YPEL5: variants seen among roughly 807,000 people sequenced by gnomAD.
YPEL5 encodes yippee like 5, also known as protein yippee-like 5.
A neutral mutation model predicts 10.5 loss-of-function variants in YPEL5; 1 was observed. That is an observed-to-expected ratio of 0.10 (90% CI 0.03 to 0.45). The LOEUF (loss-of-function observed/expected upper bound fraction) is 0.45. Among genes scored for constraint, YPEL5 ranks in the 20% least tolerant of loss-of-function variants. The probability of loss-of-function intolerance (pLI) is 0.97; values close to 1 mark genes in which losing one functional copy is unlikely to be tolerated. For synonymous variants in YPEL5, 61 were observed against 56.6 expected, an observed-to-expected ratio of 1.08 and a Z score of -0.35; for missense variants, 68 against 159.3, an observed-to-expected ratio of 0.43 and a Z score of 3.09.
Position 30,158,885 on chromosome 2 carries a change from T to A in YPEL5, c.*42T>A, listed in dbSNP as rs76107930. Reference sequence around the variant, plus strand: ...CCATCTTTTCCCAGGTCTCCTTCACTGAAAACAAAAATCTACTTACATACA... The same window carrying A: ...CCATCTTTTCCCAGGTCTCCTTCACAGAAAACAAAAATCTACTTACATACA... On this transcript the variant is annotated 3_prime_UTR_variant, in exon 3 of 3. Transcript: ENST00000261353. 2.6e-4 allele frequency: 411 copies of A among 1,599,058 alleles called. 1 individual carries two copies. The African/African-American group carries it at 4.9e-3, about 19-fold the overall frequency.
chr2:30,156,907 A>C (rs1222364347), intron 2 of YPEL5, 115 bp downstream of exon 2: 3 of 1,243,852 alleles, frequency 2.4e-6, no homozygotes, highest in South Asian at 1.4e-5. Flanking sequence ...GAGAGCTTGA[A>C]ATCTACAGAA....
At chr2:30,150,823 A>G (rs1675750155) in intron 1 of YPEL5, among the ~76,000 whole-genome samples, 1 of 152,202 alleles carries the variant, frequency 6.6e-6, no homozygotes, top group African/African-American at 2.4e-5. Context: ...AAAATATTTT[A>G]AACTTTGCAA....
At chr2:30,157,099 A>G (rs1212846305) in intron 2 of YPEL5, among the ~76,000 whole-genome samples, 8 of 152,192 alleles carry the variant, frequency 5.3e-5, no homozygotes, top group Non-Finnish European at 7.3e-5. Flanking sequence ...CCTGGCCAAC[A>G]TGGTGAAACA....
Position 30,158,720 on chromosome 2 carries a change from A to G in YPEL5, c.243A>G (p.Gly81=). The stretch of plus-strand genomic sequence containing the variant: ...GCAAAAACTGCAATAGCAAACTGGG[A>G]TGGATCTATGAGTTTGCCACTGAAG... ...VSCKNCNSKL[G]WIYEFATEDS... The change falls in exon 3 of 3, where the codon GGA becomes GGG. Residue 81 remains glycine (G), a synonymous_variant. Coordinates refer to ENST00000261353, the MANE Select transcript of YPEL5 (RefSeq NM_016061.3). 6.2e-7 allele frequency: 1 copy of G among 1,614,174 alleles called. No individual in the cohort carries two copies. Among genetic ancestry groups the G allele is most frequent in the Non-Finnish European group, 8.5e-7 (1 of 1,180,032 alleles).
At position 30,150,870 on chromosome 2, in the gene YPEL5, C is replaced by G. The variant is rs188176115; in HGVS notation, c.-25+3808C>G. ...TCTGTAGCAGCTCCTCATACCTCTT[C>G]ATTGTAAAGTGGAAGGAGTAAAGTG... On this transcript the variant is annotated intron_variant, in intron 1 of 2. Coordinates refer to ENST00000261353, the MANE Select transcript of YPEL5 (RefSeq NM_016061.3). 3.2e-4 allele frequency among the ~76,000 whole-genome samples: 49 copies of G among 152,318 alleles called. No homozygotes were observed. The Middle Eastern group carries it at 0.017, about 53-fold the overall frequency.
At chr2:30,154,983 C>T (rs1038928425) in intron 1 of YPEL5, among the ~76,000 whole-genome samples, 5 of 152,138 alleles carry the variant, frequency 3.3e-5, no homozygotes, top group African/African-American at 1.2e-4. Flanking sequence ...AGGTGATCCG[C>T]CCACCTCAGA....
intron 1 of YPEL5, chr2:30,148,659 T>C (rs1265522386): frequency 2.0e-5 from 3 of 152,238 alleles, no homozygotes; most frequent in African/African-American, 7.2e-5. Context: ...TAGTAAAATA[T>C]ATGTAGCTTG....
At chr2:30,155,320 C>T (rs1675995862) in intron 1 of YPEL5, among the ~76,000 whole-genome samples, 1 of 152,112 alleles carries the variant, frequency 6.6e-6, no homozygotes, top group Non-Finnish European at 1.5e-5. Flanking sequence ...TTTGTGATAA[C>T]ATTTCTAGTG....
At chr2:30,154,024 G>A (rs532389242) in intron 1 of YPEL5, among the ~76,000 whole-genome samples, 2 of 152,188 alleles carry the variant, frequency 1.3e-5, no homozygotes, top group African/African-American at 2.4e-5. Context: ...TACCACAACC[G>A]TATGGTGTCA....
chr2:30,159,079 A>G lies in YPEL5; in HGVS notation c.*236A>G, dbSNP rs1038156187. The G allele has an allele frequency of 1.6e-5, 8 of 514,536 alleles. No individual in the cohort carries two copies. The highest frequency in any genetic ancestry group is 5.8e-5 in the African/African-American group (3 of 52,054). The allele number at this position is 514,536 out of a possible 1,614,324, so 31.9% of individuals were successfully genotyped here. On this transcript the variant is annotated 3_prime_UTR_variant, in exon 3 of 3. Coordinates refer to ENST00000261353, the MANE Select transcript of YPEL5 (RefSeq NM_016061.3). Reference sequence around the variant, plus strand: ...GCAGATGCCGTTAATTTTTTACCCTATGTTTACATCTTGAGGCAGCAGAGT... The same window carrying G: ...GCAGATGCCGTTAATTTTTTACCCTGTGTTTACATCTTGAGGCAGCAGAGT...
intron 1 of YPEL5, among the ~76,000 whole-genome samples, chr2:30,153,137 G>A (rs553393766): frequency 2.9e-4 from 44 of 152,224 alleles, no homozygotes; most frequent in African/African-American, 9.6e-4. Flanking sequence ...TCCTGACGTC[G>A]TGATCCGCCC....
Position 30,160,438 on chromosome 2 carries a change from A to G in YPEL5, c.*1595A>G, listed in dbSNP as rs1478429363. ...ACAGCATTCATTTCCATTCATTTCC[A>G]TACTGGCTTTTGATTATATGCAGAT... On this transcript the variant is annotated 3_prime_UTR_variant, in exon 3 of 3. Transcript: ENST00000261353. 5 of 152,326 alleles carry G rather than the reference A, an allele frequency of 3.3e-5. No individual in the cohort carries two copies. Among genetic ancestry groups the G allele is most frequent in the South Asian group, 4.1e-4 (2 of 4,834 alleles). 9.4% of individuals were successfully genotyped at this position (152,326 alleles called of 1,614,324 possible).
intron 1 of YPEL5, among the ~76,000 whole-genome samples, chr2:30,148,847 C>T (rs190902957): frequency 1.4e-4 from 22 of 152,174 alleles, no homozygotes; most frequent in Non-Finnish European, 2.6e-4. Context: ...AAAAACAGTC[C>T]ACGAGACATG....
At chr2:30,152,329 G>A (rs1675835301) in intron 1 of YPEL5, among the ~76,000 whole-genome samples, 1 of 152,164 alleles carries the variant, frequency 6.6e-6, no homozygotes. Flanking sequence ...ACGTATGAAT[G>A]TATGTTGGGT....
chr2:30,157,007 G>A (rs1055858398), intron 2 of YPEL5, among the ~76,000 whole-genome samples: 1 of 152,082 alleles, frequency 6.6e-6, no homozygotes. Flanking sequence ...GAAGTAGGCT[G>A]GGCACAGTGG....
intron 1 of YPEL5, among the ~76,000 whole-genome samples, chr2:30,151,117 A>G (rs751773665): frequency 6.6e-6 from 1 of 152,236 alleles, no homozygotes; most frequent in Non-Finnish European, 1.5e-5. Flanking sequence ...CAAGTGAACA[A>G]GATACCGTAT....
At chr2:30,153,003 C>A (rs1421619811) in intron 1 of YPEL5, among the ~76,000 whole-genome samples, 1 of 151,642 alleles carries the variant, frequency 6.6e-6, no homozygotes, top group African/African-American at 2.4e-5. Context: ...TGGGTTCATG[C>A]CTTTCTCCTG....
intron 1 of YPEL5, among the ~76,000 whole-genome samples, chr2:30,152,236 G>A (rs1675831252): frequency 6.6e-6 from 1 of 152,086 alleles, no homozygotes; most frequent in South Asian, 2.1e-4. Context: ...TTATAAAGGA[G>A]CAGTCTCTAT....
chr2:30,157,410 C>G (rs1676090686), intron 2 of YPEL5, among the ~76,000 whole-genome samples: 1 of 152,182 alleles, frequency 6.6e-6, no homozygotes, highest in South Asian at 2.1e-4. Context: ...TCCCTTTCTC[C>G]ACATGTCACT....
Sources: gnomAD v4.1 joint callset for allele counts (sites outside exome capture counted in the v4.1 genomes callset) on GRCh38, gnomAD v4.1.1 for gene constraint, MANE v1.5 for transcripts, NCBI Gene and HGNC (gene_info 2026-07-23, HGNC 2026-07-21) for gene names.